Variants in MKI67 observed in about 807,000 individuals in gnomAD.
MKI67 encodes the protein marker of proliferation Ki-67, also known as proliferation marker protein Ki-67.
MKI67 carries 152 observed loss-of-function variants against 233.5 expected under a neutral mutation model. The observed-to-expected ratio is 0.65, with a 90% CI of 0.57 to 0.74. MKI67 has a LOEUF of 0.74. Among genes scored for constraint, MKI67 ranks in the 30% least tolerant of loss-of-function variants. The pLI, the probability that MKI67 is intolerant of heterozygous loss-of-function variation, is 0.00. For missense variants in MKI67, 3,940 were observed against 3,885.2 expected, an observed-to-expected ratio of 1.01 and a Z score of -0.37; for synonymous variants, 1,465 against 1,418.5, an observed-to-expected ratio of 1.03 and a Z score of -0.74.
intron 14 of MKI67, 130 bp downstream of exon 14, chr10:128,101,128 C>CA: frequency 1.2e-6 from 1 of 814,564 alleles, no homozygotes; most frequent in Non-Finnish European, 1.9e-6. Flanking sequence ...ATGCTCCTTC[C>CA]ATTAATGTAA....
intron 4 of MKI67, among the ~76,000 whole-genome samples, chr10:128,119,764 A>G (rs1852892719): frequency 6.6e-6 from 1 of 152,220 alleles, no homozygotes; most frequent in Admixed American, 6.5e-5. Context: ...AGGGTAAATA[A>G]AAAGCTACAC....
rs1354038466 is a variant in MKI67 at position 128,107,533 on chromosome 10, T to C, written c.4307A>G (p.Glu1436Gly). ...TGGGTCCAGTTTCTGTTTTGCAGTT[T>C]CCCTAAACGCGTTGATGCTTTTATC... ...GEDKSINAFR[E>G]TAKQKLDPAA... The change falls in exon 13 of 15, where the codon GAA becomes GGA. Residue 1436 changes from glutamate to glycine, a missense_variant. By Grantham distance (98) the Glu-to-Gly change is moderately conservative. Coordinates refer to ENST00000368654, the MANE Select transcript of MKI67 (RefSeq NM_002417.5). The C allele has an allele frequency of 6.2e-7, 1 of 1,614,152 alleles. No homozygotes were observed.
chr10:128,101,787 C>A (rs1590292396), intron 13 of MKI67, 86 bp from the exon 14 acceptor site: 1 of 1,014,744 alleles, frequency 9.9e-7, no homozygotes, highest in Non-Finnish European at 1.4e-6. Flanking sequence ...TCAACAGTAA[C>A]CTAAAAGGAG....
At position 128,103,408 on chromosome 10, in the gene MKI67, G is replaced by A; in HGVS notation, c.8432C>T (p.Thr2811Ile). The A allele has an allele frequency of 6.2e-7, 1 of 1,613,802 alleles. No individual in the cohort carries two copies. ...AGFKDPAAGH[T>I]EESMTDDKTT... Reference sequence around the variant, plus strand: ...TTTGTCATCAGTCATTGATTCTTCAGTGTGACCTGCTGCTGGGTCTTTGAA... The same window carrying A: ...TTTGTCATCAGTCATTGATTCTTCAATGTGACCTGCTGCTGGGTCTTTGAA... Residue 2811 changes from threonine to isoleucine, a missense_variant, in exon 13 of 15, where the codon ACT (threonine) becomes ATT (isoleucine). Physicochemically the swap from Thr to Ile is moderately conservative, Grantham distance 89. Coordinates refer to ENST00000368654, the MANE Select transcript of MKI67 (RefSeq NM_002417.5).
Position 128,108,305 on chromosome 10 carries a change from G to C in MKI67, c.3535C>G (p.Pro1179Ala). 6.2e-7 allele frequency: 1 copy of C among 1,614,026 alleles called. No homozygotes were observed. The highest frequency in any genetic ancestry group is 8.5e-7 in the Non-Finnish European group (1 of 1,179,998). The change falls in exon 13 of 15, where the codon CCA (proline) becomes GCA (alanine). Residue 1179 changes from proline (P) to alanine (A), a missense_variant. Physicochemically the swap from Pro to Ala is conservative, Grantham distance 27. Coordinates refer to ENST00000368654, the MANE Select transcript of MKI67 (RefSeq NM_002417.5). ...ATGTCTTTCTCATCACCTCCTGCTGGTTTGGGCGTAAGCATGGCTTTCCCT... is the reference window on the plus strand; with the variant it reads ...ATGTCTTTCTCATCACCTCCTGCTGCTTTGGGCGTAAGCATGGCTTTCCCT... ...SAGKAMLTPK[P>A]AGGDEKDIKA... is the part of the protein sequence containing the mutation.
In MKI67 at chr10:128,107,509, G is replaced by C. The variant is rs1483350167; in HGVS notation, c.4331C>G (p.Pro1444Arg). ...FRETAKQKLD[P>R]AASVTGSKRH... ...CTTGCTACCAGTTACACTTGCTGCTGGGTCCAGTTTCTGTTTTGCAGTTTC... is the reference window on the plus strand; with the variant it reads ...CTTGCTACCAGTTACACTTGCTGCTCGGTCCAGTTTCTGTTTTGCAGTTTC... Residue 1444 changes from proline to arginine, a missense_variant, in exon 13 of 15, where the codon CCA (proline) becomes CGA (arginine). Physicochemically the swap from Pro to Arg is moderately radical, Grantham distance 103. Coordinates refer to ENST00000368654, the MANE Select transcript of MKI67 (RefSeq NM_002417.5). 6.2e-7 allele frequency: 1 copy of C among 1,613,956 alleles called. No individual in the cohort carries two copies. The highest frequency in any genetic ancestry group is 1.7e-5 in the Admixed American group (1 of 59,990).
chr10:128,122,110 A>T (rs1852961666), intron 4 of MKI67, among the ~76,000 whole-genome samples: 4 of 152,204 alleles, frequency 2.6e-5, no homozygotes. Context: ...CTGAGGATGT[A>T]TTAGTCTGCT....
In MKI67 at chr10:128,109,133, A is replaced by T; in HGVS notation, c.2707T>A (p.Cys903Ser). The T allele has an allele frequency of 6.2e-7, 1 of 1,614,060 alleles. No homozygotes were observed. The change falls in exon 13 of 15, where the codon TGC becomes AGC. Residue 903 changes from cysteine to serine, a missense_variant. Coordinates refer to ENST00000368654, the MANE Select transcript of MKI67 (RefSeq NM_002417.5). The stretch of plus-strand genomic sequence containing the variant: ...GCCTTCTGACCTCTTTTTAGGATGC[A>T]CTCAACAATTTCTGTATTTGTTTCT... ...SEETNTEIVECILKRGQKATL... is the reference protein window; with the variant it reads ...SEETNTEIVESILKRGQKATL...
chr10:128,108,904 G>A lies in MKI67; in HGVS notation c.2936C>T (p.Thr979Met), dbSNP rs199646314. 1.5e-4 allele frequency: 246 copies of A among 1,614,194 alleles called. 1 individual carries two copies. The highest frequency in any genetic ancestry group is 4.9e-4 in the Middle Eastern group (3 of 6,062). Residue 979 changes from threonine to methionine, a missense_variant, in exon 13 of 15, where the codon ACG becomes ATG. Transcript: ENST00000368654. ...SLPDTELMKD[T>M]ARGQNLLQTQ... ...TTGGAGGAGATTCTGGCCACGTGCC[G>A]TGTCTTTCATGAGTTCTGTATCAGG...
chr10:128,107,459 C>T lies in MKI67; in HGVS notation c.4381G>A (p.Ala1461Thr), dbSNP rs1253243111. 3 of 1,613,870 alleles carry T rather than the reference C, an allele frequency of 1.9e-6. No individual in the cohort carries two copies. The highest frequency in any genetic ancestry group is 2.2e-5 in the East Asian group (1 of 44,890). ...SKRHPKTKEK[A>T]QPLEDLAGLK... is the part of the protein sequence containing the mutation. ...CCAGCCAGGTCTTCTAGGGGTTGGG[C>T]CTTTTCCTTAGTTTTTGGGTGCCTC... Residue 1461 changes from alanine (A) to threonine (T), a missense_variant, in exon 13 of 15, where the codon GCC becomes ACC. Physicochemically the swap from Ala to Thr is moderately conservative, Grantham distance 58. Transcript: ENST00000368654.
In MKI67 at chr10:128,107,372, T is replaced by C; in HGVS notation, c.4468A>G (p.Thr1490Ala). 4 of 1,613,182 alleles carry C rather than the reference T, an allele frequency of 2.5e-6. No individual in the cohort carries two copies. Among genetic ancestry groups the C allele is most frequent in the Non-Finnish European group, 3.4e-6 (4 of 1,179,804 alleles). ...GGTTGTGATCTGCAGGCTATTTTGG[T>C]AGTTTTCTCGTGAGTCGTGGGCTTG... ...TDKPTTHEKT[T>A]KIACRSQPDP... The change falls in exon 13 of 15, where the codon ACC becomes GCC. Residue 1490 changes from threonine to alanine, a missense_variant. Transcript: ENST00000368654.
chr10:128,121,973 T>G (rs776938331), intron 4 of MKI67, among the ~76,000 whole-genome samples: 6 of 152,144 alleles, frequency 3.9e-5, no homozygotes, highest in Non-Finnish European at 8.8e-5. Context: ...AGATCCATGC[T>G]TAGGTAGTGA....
At chr10:128,112,083 C>T in intron 9 of MKI67, 38 bp from the exon 10 acceptor site, 2 of 1,605,096 alleles carry the variant, frequency 1.2e-6, no homozygotes, top group African/African-American at 2.7e-5. Flanking sequence ...CAAAAATTAG[C>T]ATTCATGAAA....
In MKI67 at chr10:128,106,184, C is replaced by T. The variant is rs370058771; in HGVS notation, c.5656G>A (p.Val1886Ile). 188 of 1,611,278 alleles carry T rather than the reference C, an allele frequency of 1.2e-4. No individual in the cohort carries two copies. Among genetic ancestry groups the T allele is most frequent in the Middle Eastern group, 6.6e-4 (4 of 6,034 alleles). Residue 1886 changes from valine (V) to isoleucine (I), a missense_variant, in exon 13 of 15, where the codon GTA becomes ATA. Coordinates refer to ENST00000368654, the MANE Select transcript of MKI67 (RefSeq NM_002417.5). ...RPKRSLKKAD[V>I]EEEFLAFRKL... The stretch of plus-strand genomic sequence containing the variant: ...CTGAATGCTAAAAATTCTTCCTCTA[C>T]GTCTGCTTTCTTGAGGCTTCTCTTG...
rs1410165624 is a variant in MKI67 at position 128,103,627 on chromosome 10, G to A, written c.8213C>T (p.Ser2738Leu). The change falls in exon 13 of 15, where the codon TCA becomes TTA. Residue 2738 changes from serine (S) to leucine (L), a missense_variant. Transcript: ENST00000368654. ...VQKVQVKEEP[S>L]AVKFTQTSGE... is the part of the protein sequence containing the mutation. ...TGATGTTTGTGTGAACTTGACTGCTGAAGGCTCTTCTTTTACTTGTACCTT... is the reference window on the plus strand; with the variant it reads ...TGATGTTTGTGTGAACTTGACTGCTAAAGGCTCTTCTTTTACTTGTACCTT... 6.2e-7 allele frequency: 1 copy of A among 1,614,180 alleles called. No individual in the cohort carries two copies. Among genetic ancestry groups the A allele is most frequent in the Middle Eastern group, 1.6e-4 (1 of 6,062 alleles).
chr10:128,113,921 A>G (rs748325472), intron 7 of MKI67, among the ~76,000 whole-genome samples: 27 of 143,862 alleles, frequency 1.9e-4, no homozygotes, highest in Non-Finnish European at 3.6e-4. Flanking sequence ...GACGACAGCC[A>G]GAGAACTCTC....
chr10:128,106,606 A>G lies in MKI67; in HGVS notation c.5234T>C (p.Val1745Ala), dbSNP rs1852503919. Residue 1745 changes from valine (V) to alanine (A), a missense_variant, in exon 13 of 15, where the codon GTG (valine) becomes GCG (alanine). Physicochemically the swap from Val to Ala is moderately conservative, Grantham distance 64. Coordinates refer to ENST00000368654, the MANE Select transcript of MKI67 (RefSeq NM_002417.5). ...TGGCTTGGAGCTTGTTGGGGTGTCC[A>G]CTAGGTCTGGCTGTGAAGCTCTGTA... is the stretch of plus-strand genomic sequence containing the variant. ...VSYRASQPDL[V>A]DTPTSSKPQP... is the part of the protein sequence containing the mutation. 1 of 1,613,790 alleles carries G rather than the reference A, an allele frequency of 6.2e-7. No individual in the cohort carries two copies.
Position 128,101,318 on chromosome 10 carries a change from C to T in MKI67, c.9645G>A (p.Glu3215=). Residue 3215 remains glutamate, a synonymous_variant, in exon 14 of 15, where the codon GAG becomes GAA. Coordinates refer to ENST00000368654, the MANE Select transcript of MKI67 (RefSeq NM_002417.5). ...TKSQPAASTL[E]SKSVQRVTRS... is the part of the protein sequence containing the mutation. ...GCGTTACTCTCTGCACAGATTTGCT[C>T]TCCAAAGTGCTTGCTGCAGGCTGGC... The T allele has an allele frequency of 6.2e-7, 1 of 1,614,216 alleles. No homozygotes were observed. Among genetic ancestry groups the T allele is most frequent in the South Asian group, 1.1e-5 (1 of 91,088 alleles).
At chr10:128,124,608 A>G (rs904159059) in intron 2 of MKI67, among the ~76,000 whole-genome samples, 1 of 152,054 alleles carries the variant, frequency 6.6e-6, no homozygotes, top group Admixed American at 6.5e-5. Flanking sequence ...GCCAGACACC[A>G]TCCCTGGCCC....
Sources: gnomAD v4.1 joint callset for allele counts (sites outside exome capture counted in the v4.1 genomes callset) on GRCh38, gnomAD v4.1.1 for gene constraint, MANE v1.5 for transcripts, NCBI Gene and HGNC (gene_info 2026-07-23, HGNC 2026-07-21) for gene names.